MYO5C: variants seen among roughly 807,000 people sequenced by gnomAD.
MYO5C encodes unconventional myosin-Vc.
MYO5C carries 194 observed loss-of-function variants against 235.7 expected under a neutral mutation model. That is an observed-to-expected ratio of 0.82 (90% confidence interval 0.73 to 0.93). The LOEUF (loss-of-function observed/expected upper bound fraction) is 0.93, where lower values mean the gene tolerates loss of function less well. Among genes scored for constraint, MYO5C ranks in the 40% least tolerant of loss-of-function variants. The probability of loss-of-function intolerance (pLI) is 0.00; values close to 1 mark genes in which losing one functional copy is unlikely to be tolerated. For missense variants in MYO5C, 2,038 were observed against 2,127.2 expected (o/e 0.96, Z 0.82); for synonymous variants, 707 against 754.8 (o/e 0.94, Z 1.04).
intron 4 of MYO5C, among the ~76,000 whole-genome samples, chr15:52,278,581 C>T (rs2037098778): frequency 6.6e-6 from 1 of 151,800 alleles, no homozygotes; most frequent in Admixed American, 6.6e-5. Context: ...GAGAATAAAT[C>T]AACACTCCTC....
chr15:52,195,069 G>A (rs1232422689), intron 40 of MYO5C, among the ~76,000 whole-genome samples: 2 of 152,058 alleles, frequency 1.3e-5, no homozygotes, highest in African/African-American at 4.8e-5. Context: ...AAGAAAAATG[G>A]TCTCTGTTTC....
In MYO5C at chr15:52,217,325, G is replaced by A. The variant is rs1438723710; in HGVS notation, c.3954+1194C>T. Among the ~76,000 whole-genome samples, 10 of 152,214 alleles carry A rather than the reference G, an allele frequency of 6.6e-5. No individual in the cohort carries two copies. In the East Asian group the frequency reaches 1.9e-3, roughly 29 times the overall value. The stretch of plus-strand genomic sequence containing the variant: ...ACTTGGAGGAGCTCCAGAAGAGGGC[G>A]CCAGGACCGAGCTGTGCTCCAGGGC... On this transcript the variant is annotated intron_variant, in intron 32 of 40. Transcript: ENST00000261839.
chr15:52,241,846 A>G (rs2036231990), intron 20 of MYO5C, among the ~76,000 whole-genome samples: 1 of 152,084 alleles, frequency 6.6e-6, no homozygotes, highest in Admixed American at 6.5e-5. Flanking sequence ...CCTGGGCTCA[A>G]GGAACCCTCC....
chr15:52,212,547 G>A (rs7167590), intron 34 of MYO5C, among the ~76,000 whole-genome samples: 2,728 of 152,256 alleles, frequency 0.018, 68 homozygotes, highest in African/African-American at 0.054. Flanking sequence ...AAGGCTACAC[G>A]TTGGCTTTCT....
At chr15:52,230,176 T>G (rs1439802117) in intron 24 of MYO5C, among the ~76,000 whole-genome samples, 1 of 152,156 alleles carries the variant, frequency 6.6e-6, no homozygotes, top group East Asian at 1.9e-4. Context: ...AATTAAAAAT[T>G]TGATGATTAA....
chr15:52,286,750 G>C lies in MYO5C; in HGVS notation c.28-3858C>G, dbSNP rs923897383. On this transcript the variant is annotated intron_variant, in intron 1 of 40. Transcript: ENST00000261839. Reference sequence around the variant, plus strand: ...ACAAATGCTTGAAGGCAGCATGCTCGTTGAGAGTCATCACCACTCCCTAAT... The same window carrying C: ...ACAAATGCTTGAAGGCAGCATGCTCCTTGAGAGTCATCACCACTCCCTAAT... 4.3e-4 allele frequency among the ~76,000 whole-genome samples: 65 copies of C among 151,816 alleles called. 1 individual carries two copies. Among genetic ancestry groups the C allele is most frequent in the African/African-American group, 1.7e-4 (7 of 41,246 alleles).
At chr15:52,251,083 T>C (rs535326499) in intron 13 of MYO5C, 2 of 190,560 alleles carry the variant, frequency 1.0e-5, no homozygotes, top group South Asian at 1.9e-4. Flanking sequence ...GGAAGAATTA[T>C]GCTGTCTTGA....
Position 52,196,338 on chromosome 15 carries a change from C to G in MYO5C, c.4966G>C (p.Glu1656Gln), listed in dbSNP as rs188553744. The change falls in exon 39 of 41, where the codon GAA (glutamate) becomes CAA (glutamine). Residue 1656 changes from glutamate (E) to glutamine (Q), a missense_variant. Physicochemically the swap from Glu to Gln is conservative, Grantham distance 29. Transcript: ENST00000261839. Reference protein sequence around the residue: ...TTDSDAKEIYERCTSLSAVQI... With the variant: ...TTDSDAKEIYQRCTSLSAVQI... The stretch of plus-strand genomic sequence containing the variant: ...ACAGCAGACAGTGAGGTGCAGCGTT[C>G]GTAGATCTCCTTGGCATCACTGTCT... 13 of 1,612,964 alleles carry G rather than the reference C, an allele frequency of 8.1e-6. No individual in the cohort carries two copies. The Admixed American group carries it at 1.8e-4, about 23-fold the overall frequency.
In MYO5C at chr15:52,227,190, A is replaced by ATT. The variant is rs1179874943; in HGVS notation, c.3208-1660_3208-1659dup. On this transcript the variant is annotated intron_variant, in intron 25 of 40. Transcript: ENST00000261839. ...AAACAAAACACAAAAACCCAGAGTA[A>ATT]TTTTTTTTTTTTTTTTTTTGTTGAG... 3.4e-3 allele frequency among the ~76,000 whole-genome samples: 405 copies of ATT among 117,728 alleles called. 23 individuals carry two copies. The highest frequency in any genetic ancestry group is 0.031 in the East Asian group (60 of 1,936). The allele number at this position is 117,728 out of a possible 152,430, so 77.2% of individuals were successfully genotyped here.
intron 23 of MYO5C, among the ~76,000 whole-genome samples, chr15:52,234,121 TC>T (rs2036027397): frequency 6.6e-6 from 1 of 152,248 alleles, no homozygotes; most frequent in East Asian, 1.9e-4. Flanking sequence ...GTGCTTACCA[TC>T]TTAGGCCATT....
In MYO5C at chr15:52,237,530, C is replaced by T. The variant is rs1370891465; in HGVS notation, c.2820G>A (p.Arg940=). The change falls in exon 22 of 41, where the codon AGG becomes AGA. Residue 940 remains arginine (R), a synonymous_variant. Transcript: ENST00000261839. ...TCTTCCCCTTCTCCTCGTAATTTCG[C>T]CTGTGAGTGGCTGCTTTTTCTAGTT... ...EAELEKAATH[R]RNYEEKGKRY... 3.7e-6 allele frequency: 6 copies of T among 1,614,062 alleles called. No individual in the cohort carries two copies. The highest frequency in any genetic ancestry group is 3.3e-5 in the Admixed American group (2 of 60,002).
intron 18 of MYO5C, 76 bp from the exon 19 acceptor site, chr15:52,244,643 T>G (rs2036300759): frequency 9.4e-7 from 1 of 1,068,276 alleles, no homozygotes; most frequent in Admixed American, 2.5e-5. Flanking sequence ...AAAAGAGCTT[T>G]AGGGATTCAA....
chr15:52,266,453 G>A (rs573971594), intron 8 of MYO5C, among the ~76,000 whole-genome samples: 22 of 152,314 alleles, frequency 1.4e-4, no homozygotes, highest in Non-Finnish European at 2.8e-4. Context: ...GCCTCCCCTC[G>A]CGCTTCTCCA....
At chr15:52,220,778 A>C (rs954048138) in intron 30 of MYO5C, among the ~76,000 whole-genome samples, 1 of 151,980 alleles carries the variant, frequency 6.6e-6, no homozygotes, top group African/African-American at 2.4e-5. Context: ...AGTGAGCCGA[A>C]ATCGCACCAT....
intron 4 of MYO5C, chr15:52,277,182 C>A (rs1435918619): frequency 1.9e-6 from 1 of 529,922 alleles, no homozygotes; most frequent in East Asian, 5.5e-5. Flanking sequence ...GTTCTACAGC[C>A]CTGAGGGACA....
At chr15:52,289,618 C>A (rs902553385) in intron 1 of MYO5C, among the ~76,000 whole-genome samples, 1 of 152,086 alleles carries the variant, frequency 6.6e-6, no homozygotes, top group Non-Finnish European at 1.5e-5. Flanking sequence ...ACCCTACCCC[C>A]ACCAATCCTC....
At chr15:52,269,439 T>C (rs556866594) in intron 8 of MYO5C, among the ~76,000 whole-genome samples, 1 of 144,624 alleles carries the variant, frequency 6.9e-6, no homozygotes, top group South Asian at 2.3e-4. Flanking sequence ...GTTGCCAGGC[T>C]GGAGTGCAGT....
intron 10 of MYO5C, 87 bp downstream of exon 10, chr15:52,260,775 C>G (rs1404995318): frequency 7.0e-7 from 1 of 1,432,252 alleles, no homozygotes; most frequent in African/African-American, 1.4e-5. Flanking sequence ...ATGTGAAATA[C>G]AAAAGAACCA....
At chr15:52,208,851 T>G (rs897498661) in intron 35 of MYO5C, among the ~76,000 whole-genome samples, 2 of 152,226 alleles carry the variant, frequency 1.3e-5, no homozygotes, top group Admixed American at 1.3e-4. Flanking sequence ...GTTGTGTCAC[T>G]CATTATGAAG....
Sources: allele counts gnomAD v4.1 joint callset (sites outside exome capture counted in the v4.1 genomes callset), GRCh38; gene constraint gnomAD v4.1.1; transcripts MANE v1.5; gene names NCBI Gene and HGNC (gene_info 2026-07-23, HGNC 2026-07-21).